ZFHX3: variants seen among roughly 807,000 people sequenced by gnomAD.
The protein encoded by ZFHX3 is zinc finger homeobox 3, also known as zinc finger homeobox protein 3.
A neutral mutation model predicts 279.1 loss-of-function variants in ZFHX3; 42 were observed. The ratio of observed to expected loss-of-function variants is 0.15; its 90% confidence interval spans 0.12 to 0.19. The LOEUF is 0.19. Among genes scored for constraint, ZFHX3 ranks in the 10% least tolerant of loss-of-function variants. The pLI is 1.00. For synonymous variants in ZFHX3, 2,293 were observed against 1,957.8 expected, an observed-to-expected ratio of 1.17 and a Z score of -4.52; for missense variants, 4,981 against 4,754.0, an observed-to-expected ratio of 1.05 and a Z score of -1.40.
intron 5 of ZFHX3, among the ~76,000 whole-genome samples, chr16:73,171,732 T>C (rs1488179665): frequency 6.6e-6 from 1 of 152,200 alleles, no homozygotes; most frequent in Non-Finnish European, 1.5e-5. Flanking sequence ...CTACATATTT[T>C]ACTAACTCTT....
At chr16:73,225,515 G>A (rs1238988525) in intron 5 of ZFHX3, among the ~76,000 whole-genome samples, 2 of 152,114 alleles carry the variant, frequency 1.3e-5, no homozygotes, top group African/African-American at 4.8e-5. Flanking sequence ...ATTTGAGCCC[G>A]GGAGGTTGAG....
At chr16:73,265,986 T>A (rs1194801334) in intron 4 of ZFHX3, among the ~76,000 whole-genome samples, 3 of 152,216 alleles carry the variant, frequency 2.0e-5, no homozygotes, top group Admixed American at 6.5e-5. Context: ...GATCACTTTC[T>A]CCATTGCTAA....
At chr16:73,151,968 G>A (rs1966955001) in intron 5 of ZFHX3, among the ~76,000 whole-genome samples, 1 of 137,846 alleles carries the variant, frequency 7.3e-6, no homozygotes, top group African/African-American at 2.7e-5. Context: ...GGGCGGAGAA[G>A]AGAGCTGGGA....
chr16:72,968,339 T>A (rs1183628900), intron 1 of ZFHX3, among the ~76,000 whole-genome samples: 2 of 152,152 alleles, frequency 1.3e-5, no homozygotes, highest in African/African-American at 4.8e-5. Flanking sequence ...GAGACATGAC[T>A]AATGAACGTT....
rs576874000 is a variant in ZFHX3, at chr16:72,881,759, C to T, written c.3448+7972G>A. On this transcript the variant is annotated intron_variant, in intron 4 of 9. Coordinates refer to ENST00000268489, the MANE Select transcript of ZFHX3 (RefSeq NM_006885.4). ...CGGCTGCCACTTCCTGCTACACTGT[C>T]GGCTTTAGGAGGTCTCTCCCCTCCA... 4.2e-4 allele frequency among the ~76,000 whole-genome samples: 64 copies of T among 152,276 alleles called. 1 individual carries two copies. Among genetic ancestry groups the T allele is most frequent in the African/African-American group, 1.2e-3 (50 of 41,564 alleles).
At chr16:73,216,746 G>A (rs929109760) in intron 5 of ZFHX3, among the ~76,000 whole-genome samples, 4 of 151,630 alleles carry the variant, frequency 2.6e-5, no homozygotes, top group African/African-American at 7.3e-5. Flanking sequence ...CTGGGTGACC[G>A]AGCAAGAGTC....
chr16:73,172,492 C>T (rs1476769473), intron 5 of ZFHX3, among the ~76,000 whole-genome samples: 1 of 152,188 alleles, frequency 6.6e-6, no homozygotes, highest in Non-Finnish European at 1.5e-5. Flanking sequence ...ATTTCCACTG[C>T]TTTTGTGTTG....
At position 72,874,198 on chromosome 16, in the gene ZFHX3, A is replaced by ATTT. The variant is rs565664402; in HGVS notation, c.3448+15530_3448+15532dup. Among the ~76,000 whole-genome samples the ATTT allele has an allele frequency of 2.2e-3, 206 of 95,128 alleles. 25 individuals carry two copies. The highest frequency in any genetic ancestry group is 7.0e-3 in the African/African-American group (149 of 21,234). The allele number at this position is 95,128 out of a possible 152,430, so 62.4% of individuals were successfully genotyped here. A position where few individuals can be genotyped will look rare whatever the true frequency, so the allele number is the denominator to read the frequency against. On this transcript the variant is annotated intron_variant, in intron 4 of 9. Transcript: ENST00000268489. Reference sequence around the variant, plus strand: ...TGGAGCTCAGATGGAGGATTTTTTGATTTTTTTTTTTTTTTTTTTTTTTTT... The same window carrying ATTT: ...TGGAGCTCAGATGGAGGATTTTTTGATTTTTTTTTTTTTTTTTTTTTTTTTTTT...
chr16:73,535,722 CT>C (rs56867952), intron 2 of ZFHX3, among the ~76,000 whole-genome samples: 2,825 of 138,970 alleles, frequency 0.02, 78 homozygotes, highest in African/African-American at 0.068. Context: ...TGCCCCCTAT[CT>C]TTTTTTTTTT....
chr16:73,087,586 C>G (rs1047734126), intron 8 of ZFHX3, among the ~76,000 whole-genome samples: 16 of 152,138 alleles, frequency 1.1e-4, no homozygotes, highest in African/African-American at 3.6e-4. Flanking sequence ...GATTATAACT[C>G]TAATTAAAAA....
chr16:73,383,945 C>T (rs1008075075), intron 3 of ZFHX3, among the ~76,000 whole-genome samples: 8 of 152,228 alleles, frequency 5.3e-5, no homozygotes, highest in African/African-American at 1.7e-4. Context: ...TCAGGAAATT[C>T]AGGATCCTGC....
At chr16:73,635,697 C>T (rs2052521702) in intron 2 of ZFHX3, among the ~76,000 whole-genome samples, 1 of 152,142 alleles carries the variant, frequency 6.6e-6, no homozygotes, top group Non-Finnish European at 1.5e-5. Flanking sequence ...TCCTGATTGT[C>T]TCCTGCTGAC....
At chr16:73,678,225 A>G (rs1402245900) in intron 2 of ZFHX3, among the ~76,000 whole-genome samples, 1 of 152,162 alleles carries the variant, frequency 6.6e-6, no homozygotes, top group Non-Finnish European at 1.5e-5. Flanking sequence ...TTTCTGTGTT[A>G]CACGCATGTG....
rs761540672 is a variant in ZFHX3, at chr16:72,788,274, A to G, written c.10002T>C (p.Pro3334=). The G allele has an allele frequency of 6.2e-7, 1 of 1,614,188 alleles. No homozygotes were observed. The highest frequency in any genetic ancestry group is 2.2e-5 in the East Asian group (1 of 44,864). Residue 3334 remains proline (P), a synonymous_variant, in exon 10 of 10, where the codon CCT becomes CCC. Transcript: ENST00000268489. ...PGALQSGYLQ[P]MYGMEGLFPY... is the part of the protein sequence containing the mutation. ...GGAACAGGCCTTCCATGCCATACAT[A>G]GGCTGCAGGTACCCGCTCTGCAGGG... is the stretch of plus-strand genomic sequence containing the variant.
chr16:73,644,320 C>G (rs2052599099), intron 2 of ZFHX3, among the ~76,000 whole-genome samples: 1 of 152,192 alleles, frequency 6.6e-6, no homozygotes, highest in African/African-American at 2.4e-5. Context: ...TAAGACATCC[C>G]CAGACTGCAT....
At chr16:73,136,510 G>C (rs1467083798) in intron 6 of ZFHX3, among the ~76,000 whole-genome samples, 1 of 152,004 alleles carries the variant, frequency 6.6e-6, no homozygotes, top group Non-Finnish European at 1.5e-5. Context: ...GATCACTTGA[G>C]GTCAGGAGTT....
exon 1 of ZFHX3, chr16:73,058,703 G>A: frequency 6.0e-6 from 1 of 166,920 alleles, no homozygotes; most frequent in Non-Finnish European, 1.2e-5. Flanking sequence ...TGCTGGCGGC[G>A]GCGGCGGCGG....
intron 4 of ZFHX3, among the ~76,000 whole-genome samples, chr16:72,851,401 G>A (rs558819585): frequency 2.0e-5 from 3 of 152,286 alleles, no homozygotes; most frequent in South Asian, 4.2e-4. Context: ...ACACCACGGC[G>A]AGTCTTCCAG....
intron 1 of ZFHX3, among the ~76,000 whole-genome samples, chr16:73,818,101 G>A (rs1401628945): frequency 1.3e-5 from 2 of 152,202 alleles, no homozygotes; most frequent in African/African-American, 4.8e-5. Flanking sequence ...ACCCAAACGG[G>A]TCAGGCTTGA....
Sources: gnomAD v4.1 joint callset for allele counts (sites outside exome capture counted in the v4.1 genomes callset) on GRCh38, gnomAD v4.1.1 for gene constraint, MANE v1.5 for transcripts, NCBI Gene and HGNC (gene_info 2026-07-23, HGNC 2026-07-21) for gene names.